FAM227B: variants seen among roughly 807,000 people sequenced by gnomAD.
The protein encoded by FAM227B is protein FAM227B.
A neutral mutation model predicts 73.8 loss-of-function variants in FAM227B; 88 were observed. That is an observed-to-expected ratio of 1.19 (90% CI 1.00 to 1.42). The LOEUF is 1.42. FAM227B is among the 40% of genes most tolerant of loss of function. The pLI is 0.00. For synonymous variants in FAM227B, 210 were observed against 190.5 expected (o/e 1.10, Z -0.84); for missense variants, 632 against 590.9 (o/e 1.07, Z -0.72).
At chr15:49,602,594 C>T (rs1042616791) in intron 3 of FAM227B, among the ~76,000 whole-genome samples, 2 of 152,176 alleles carry the variant, frequency 1.3e-5, no homozygotes, top group Non-Finnish European at 2.9e-5. Flanking sequence ...ATTCTATGGG[C>T]TGTCTCTTCA....
intron 11 of FAM227B, among the ~76,000 whole-genome samples, chr15:49,374,646 C>T (rs1022757280): frequency 1.1e-4 from 16 of 152,198 alleles, no homozygotes; most frequent in African/African-American, 3.6e-4. Context: ...CAGGTTCAAG[C>T]GATTCTCCTG....
intron 11 of FAM227B, among the ~76,000 whole-genome samples, chr15:49,451,890 G>C (rs763324373): frequency 7.9e-5 from 12 of 151,996 alleles, no homozygotes; most frequent in Non-Finnish European, 1.3e-4. Context: ...TTTTACATGC[G>C]GTTCTTCCAG....
chr15:49,477,017 G>A (rs369372306), intron 11 of FAM227B, among the ~76,000 whole-genome samples: 18 of 149,020 alleles, frequency 1.2e-4, no homozygotes, highest in African/African-American at 3.2e-4. Context: ...CGGAGATCCC[G>A]CCACTGCACT....
chr15:49,543,647 TA>T (rs2071395577), intron 9 of FAM227B, among the ~76,000 whole-genome samples: 2 of 151,876 alleles, frequency 1.3e-5, no homozygotes, highest in African/African-American at 4.8e-5. Flanking sequence ...GGTCTTAGTT[TA>T]AGTCTTTGAG....
rs957911413 is a variant in FAM227B, at chr15:49,615,105, G to A, written c.51+16C>T. Reference sequence around the variant, plus strand: ...AACCTTTGTAAGTGAACATAAAGCTGTGGAAGCTTCCTTACCCCGGGGCCA... The same window carrying A: ...AACCTTTGTAAGTGAACATAAAGCTATGGAAGCTTCCTTACCCCGGGGCCA... On this transcript the variant is annotated intron_variant, in intron 2 of 15. Coordinates refer to ENST00000299338, the MANE Select transcript of FAM227B (RefSeq NM_152647.3). 10 of 1,610,728 alleles carry A rather than the reference G, an allele frequency of 6.2e-6. No individual in the cohort carries two copies. In the Admixed American group the frequency reaches 1.5e-4, roughly 24 times the overall value.
Position 49,328,549 on chromosome 15 carries a change from A to G in FAM227B, c.*19T>C, listed in dbSNP as rs1419809906. On this transcript the variant is annotated 3_prime_UTR_variant, in exon 16 of 16. Coordinates refer to ENST00000299338, the MANE Select transcript of FAM227B (RefSeq NM_152647.3). ...AATTGTATGCATTATTCTTGAATAG[A>G]GTTCATTTCTGGTTTCTCTTAGTAT... 6.2e-7 allele frequency: 1 copy of G among 1,606,940 alleles called. No homozygotes were observed. The highest frequency in any genetic ancestry group is 8.5e-7 in the Non-Finnish European group (1 of 1,175,618).
chr15:49,358,147 A>G (rs2043508180), intron 13 of FAM227B, among the ~76,000 whole-genome samples: 1 of 151,686 alleles, frequency 6.6e-6, no homozygotes, highest in Non-Finnish European at 1.5e-5. Flanking sequence ...AATGGGCAAA[A>G]ACTGGAAGCA....
chr15:49,493,173 T>G (rs1046438260), intron 11 of FAM227B, among the ~76,000 whole-genome samples: 1 of 152,020 alleles, frequency 6.6e-6, no homozygotes. Context: ...CTATTTGTTT[T>G]TCTGTTCCAA....
intron 14 of FAM227B, among the ~76,000 whole-genome samples, chr15:49,332,852 T>A (rs764099415): frequency 6.6e-6 from 1 of 152,164 alleles, no homozygotes; most frequent in Non-Finnish European, 1.5e-5. Context: ...CAGAGTGGGA[T>A]TACTTAGTCG....
intron 11 of FAM227B, among the ~76,000 whole-genome samples, chr15:49,429,630 A>T (rs2151776561): frequency 6.6e-6 from 1 of 151,982 alleles, no homozygotes; most frequent in African/African-American, 2.4e-5. Context: ...CTATCTCTCA[A>T]CCTTGTCTAA....
chr15:49,337,211 G>T (rs1218787475), intron 13 of FAM227B, among the ~76,000 whole-genome samples: 1 of 152,204 alleles, frequency 6.6e-6, no homozygotes, highest in Non-Finnish European at 1.5e-5. Flanking sequence ...TATATACCCA[G>T]TAATGGGACT....
At chr15:49,471,904 G>C (rs16962544) in intron 11 of FAM227B, among the ~76,000 whole-genome samples, 1 of 151,988 alleles carries the variant, frequency 6.6e-6, no homozygotes, top group East Asian at 1.9e-4. Context: ...TGACAGCACC[G>C]GAAGAAACTT....
At chr15:49,500,685 T>C (rs1037367756) in intron 11 of FAM227B, among the ~76,000 whole-genome samples, 1 of 152,188 alleles carries the variant, frequency 6.6e-6, no homozygotes, top group African/African-American at 2.4e-5. Flanking sequence ...TTTCTTAAAA[T>C]GTTATACATA....
chr15:49,537,910 C>A (rs368973295), intron 10 of FAM227B, among the ~76,000 whole-genome samples: 44 of 151,960 alleles, frequency 2.9e-4, no homozygotes, highest in Middle Eastern at 3.4e-3. Flanking sequence ...CGGGACCAGG[C>A]AAGGTGGGTG....
intron 11 of FAM227B, among the ~76,000 whole-genome samples, chr15:49,410,051 C>G (rs745623059): frequency 1.1e-4 from 16 of 152,114 alleles, no homozygotes; most frequent in South Asian, 2.1e-4. Context: ...TCTGCTCAAT[C>G]TCACCTATAA....
intron 11 of FAM227B, among the ~76,000 whole-genome samples, chr15:49,373,702 T>C (rs1421284046): frequency 2.0e-5 from 3 of 152,130 alleles, no homozygotes; most frequent in Non-Finnish European, 2.9e-5. Context: ...AAGGGAGACA[T>C]GTAAGTAAGT....
At chr15:49,414,058 T>A (rs1234680053) in intron 11 of FAM227B, among the ~76,000 whole-genome samples, 1 of 152,000 alleles carries the variant, frequency 6.6e-6, no homozygotes, top group African/African-American at 2.4e-5. Context: ...CACCCCCTCC[T>A]CCAATAATTT....
chr15:49,597,814 C>A (rs1426866464), intron 3 of FAM227B, among the ~76,000 whole-genome samples: 2 of 151,770 alleles, frequency 1.3e-5, no homozygotes, highest in Non-Finnish European at 2.9e-5. Context: ...CACAGAGATA[C>A]AAAAGTTTAT....
chr15:49,454,618 T>C (rs1024049058), intron 11 of FAM227B, among the ~76,000 whole-genome samples: 16 of 152,226 alleles, frequency 1.1e-4, no homozygotes, highest in African/African-American at 3.6e-4. Flanking sequence ...ATTTTTTATA[T>C]TATTTTTTTG....
Sources: allele counts gnomAD v4.1 joint callset (sites outside exome capture counted in the v4.1 genomes callset), GRCh38; gene constraint gnomAD v4.1.1; transcripts MANE v1.5; gene names NCBI Gene and HGNC (gene_info 2026-07-23, HGNC 2026-07-21).